The following SLAIN2 variants were observed in gnomAD, a reference collection of about 807,000 sequenced individuals.
SLAIN2 encodes the protein SLAIN family member 2.
SLAIN2 carries 31 observed loss-of-function variants against 56.6 expected under a neutral mutation model. That is an observed-to-expected ratio of 0.55 (90% confidence interval 0.41 to 0.74). SLAIN2 has a LOEUF of 0.74. SLAIN2 is among the 30% of genes least tolerant of loss of function. The pLI is 0.00. For synonymous variants in SLAIN2, 317 were observed against 284.9 expected (o/e 1.11, Z -1.13); for missense variants, 777 against 754.2 (o/e 1.03, Z -0.35).
At chr4:48,390,435 C>A (rs1247372260) in intron 6 of SLAIN2, among the ~76,000 whole-genome samples, 1 of 152,164 alleles carries the variant, frequency 6.6e-6, no homozygotes, top group Non-Finnish European at 1.5e-5. Context: ...AATTAATCTT[C>A]ACTCACAGAG....
intron 6 of SLAIN2, among the ~76,000 whole-genome samples, chr4:48,390,856 A>C (rs1279140950): frequency 3.3e-5 from 5 of 152,196 alleles, no homozygotes; most frequent in Non-Finnish European, 7.3e-5. Context: ...CTCTTACTTG[A>C]TGGAAGAACA....
At chr4:48,350,417 A>G (rs1714980380) in intron 1 of SLAIN2, among the ~76,000 whole-genome samples, 1 of 152,318 alleles carries the variant, frequency 6.6e-6, no homozygotes. Flanking sequence ...TAATTTTGAC[A>G]TTATTTTTTA....
At chr4:48,362,522 G>A (rs1025522350) in intron 1 of SLAIN2, among the ~76,000 whole-genome samples, 5 of 148,774 alleles carry the variant, frequency 3.4e-5, no homozygotes, top group African/African-American at 1.2e-4. Flanking sequence ...AGGTTCAAGC[G>A]ATTCTCCTGC....
intron 5 of SLAIN2, 59 bp from the exon 6 acceptor site, chr4:48,383,588 A>G (rs1716025605): frequency 8.6e-6 from 12 of 1,399,526 alleles, no homozygotes; most frequent in South Asian, 3.1e-5. Flanking sequence ...GCTAGTTAAT[A>G]TTTTAATTTT....
Position 48,377,483 on chromosome 4 carries a change from G to T in SLAIN2, c.539-413G>T, listed in dbSNP as rs998177758. On this transcript the variant is annotated intron_variant, in intron 2 of 7. Coordinates refer to ENST00000264313, the MANE Select transcript of SLAIN2 (RefSeq NM_020846.2). ...CATGAGCCACCGTGCCTGGCCCAAA[G>T]AATATTTTTTAAAATAAAAAGTAAT... is the stretch of plus-strand genomic sequence containing the variant. Among the ~76,000 whole-genome samples, 7 of 151,582 alleles carry T rather than the reference G, an allele frequency of 4.6e-5. No individual in the cohort carries two copies. In the East Asian group the frequency reaches 1.4e-3, roughly 29 times the overall value.
chr4:48,351,557 C>T (rs1266484451), intron 1 of SLAIN2, among the ~76,000 whole-genome samples: 1 of 152,132 alleles, frequency 6.6e-6, no homozygotes, highest in East Asian at 1.9e-4. Context: ...ATCCTAGAAA[C>T]CTGAATCTAG....
chr4:48,412,457 C>T (rs1303933270), intron 6 of SLAIN2, among the ~76,000 whole-genome samples: 1 of 141,758 alleles, frequency 7.1e-6, no homozygotes, highest in African/African-American at 2.6e-5. Flanking sequence ...GCTTTGGCAC[C>T]CAAAGGGTGG....
chr4:48,351,652 G>A (rs1715012482), intron 1 of SLAIN2, among the ~76,000 whole-genome samples: 1 of 152,214 alleles, frequency 6.6e-6, no homozygotes, highest in African/African-American at 2.4e-5. Context: ...CTTTATGTGA[G>A]GTGTAATAAT....
chr4:48,376,044 G>T (rs1197705200), intron 2 of SLAIN2, among the ~76,000 whole-genome samples: 1 of 152,176 alleles, frequency 6.6e-6, no homozygotes, highest in Admixed American at 6.5e-5. Context: ...CTCTGCCTGT[G>T]GTACTTGGCT....
chr4:48,396,171 A>T (rs180773956), intron 6 of SLAIN2, among the ~76,000 whole-genome samples: 1 of 152,054 alleles, frequency 6.6e-6, no homozygotes, highest in Non-Finnish European at 1.5e-5. Context: ...CAAACTACCT[A>T]TCCTCTCTGA....
intron 1 of SLAIN2, among the ~76,000 whole-genome samples, chr4:48,358,444 C>T (rs192100303): frequency 3.1e-3 from 469 of 151,448 alleles, no homozygotes; most frequent in Non-Finnish European, 4.8e-3. Flanking sequence ...CTCAGCCTCC[C>T]GAGTAGCTGA....
chr4:48,341,978 G>C lies in SLAIN2; in HGVS notation c.239G>C (p.Gly80Ala), dbSNP rs776588859. The change falls in exon 1 of 8, where the codon GGG (glycine) becomes GCG (alanine). Residue 80 changes from glycine (G) to alanine (A), a missense_variant. Coordinates refer to ENST00000264313, the MANE Select transcript of SLAIN2 (RefSeq NM_020846.2). ...GLSAKSGGGP[G>A]SGPRRTSSEE... ...AGCGCCAAGTCGGGCGGCGGGCCCGGGTCGGGCCCGAGGCGGACGAGTAGC... is the reference window on the plus strand; with the variant it reads ...AGCGCCAAGTCGGGCGGCGGGCCCGCGTCGGGCCCGAGGCGGACGAGTAGC... 6.2e-5 allele frequency: 89 copies of C among 1,434,016 alleles called. No homozygotes were observed. The highest frequency in any genetic ancestry group is 3.9e-4 in the South Asian group (26 of 66,952). The allele number at this position is 1,434,016 out of a possible 1,614,324, so 88.8% of individuals were successfully genotyped here.
intron 4 of SLAIN2, among the ~76,000 whole-genome samples, chr4:48,380,662 G>T (rs1715947426): frequency 6.6e-6 from 1 of 152,144 alleles, no homozygotes; most frequent in Admixed American, 6.5e-5. Context: ...CATTTCATTA[G>T]AAGATGCCAT....
In SLAIN2 at chr4:48,422,074, C is replaced by T; in HGVS notation, c.1743C>T (p.Tyr581=). 1 of 1,609,094 alleles carries T rather than the reference C, an allele frequency of 6.2e-7. No individual in the cohort carries two copies. The highest frequency in any genetic ancestry group is 8.5e-7 in the Non-Finnish European group (1 of 1,177,618). Reference sequence around the variant, plus strand: ...ATGACAGTTGGAAAGATGGCTGTTACTGACCAGCAAAGACAAGAATGCAGA... The same window carrying T: ...ATGACAGTTGGAAAGATGGCTGTTATTGACCAGCAAAGACAAGAATGCAGA... ...MKDDSWKDGC[Y] is the part of the protein sequence containing the mutation. Residue 581 remains tyrosine (Y), a synonymous_variant, in exon 8 of 8, where the codon TAC becomes TAT. Coordinates refer to ENST00000264313, the MANE Select transcript of SLAIN2 (RefSeq NM_020846.2).
chr4:48,403,678 T>C (rs1412127228), intron 6 of SLAIN2, among the ~76,000 whole-genome samples: 1 of 152,144 alleles, frequency 6.6e-6, no homozygotes, highest in African/African-American at 2.4e-5. Flanking sequence ...CAGTAGGTCT[T>C]GTGAGGTGCC....
At chr4:48,420,594 A>G in intron 7 of SLAIN2, 151 bp downstream of exon 7, 3 of 902,398 alleles carry the variant, frequency 3.3e-6, no homozygotes, top group Non-Finnish European at 4.9e-6. Context: ...AAACTTTACT[A>G]CATTGTTTTT....
chr4:48,362,437 T>TG (rs1322777191), intron 1 of SLAIN2, among the ~76,000 whole-genome samples: 3 of 150,816 alleles, frequency 2.0e-5, no homozygotes, highest in Admixed American at 6.6e-5. Flanking sequence ...TTTTTTTTTT[T>TG]GGACAGAGTC....
At chr4:48,397,578 T>C (rs1219874500) in intron 6 of SLAIN2, among the ~76,000 whole-genome samples, 1 of 152,164 alleles carries the variant, frequency 6.6e-6, no homozygotes, top group Non-Finnish European at 1.5e-5. Flanking sequence ...ATGTGTGCCC[T>C]GGTGGTTTGC....
intron 6 of SLAIN2, among the ~76,000 whole-genome samples, chr4:48,391,069 T>TA (rs772895097): frequency 2.6e-5 from 4 of 152,214 alleles, no homozygotes; most frequent in Non-Finnish European, 5.9e-5. Flanking sequence ...TAAAATATTT[T>TA]AAACACAAGC....
Sources: gnomAD v4.1 joint callset for allele counts (sites outside exome capture counted in the v4.1 genomes callset) on GRCh38, gnomAD v4.1.1 for gene constraint, MANE v1.5 for transcripts, NCBI Gene and HGNC (gene_info 2026-07-23, HGNC 2026-07-21) for gene names.